ADCY3: variants seen among roughly 807,000 people sequenced by gnomAD.
ADCY3 encodes adenylate cyclase type 3.
ADCY3 carries 70 observed loss-of-function variants against 119.4 expected under a neutral mutation model. The ratio of observed to expected loss-of-function variants is 0.59; its 90% confidence interval spans 0.48 to 0.72. The LOEUF is 0.72. ADCY3 is among the 30% of genes least tolerant of loss of function. ADCY3 has a pLI of 0.00. For synonymous variants in ADCY3, 672 were observed against 621.4 expected (o/e 1.08, Z -1.21); for missense variants, 1,238 against 1,541.6 (o/e 0.80, Z 3.30).
chr2:24,891,699 C>T (rs1205225925), intron 2 of ADCY3, among the ~76,000 whole-genome samples: 3 of 152,110 alleles, frequency 2.0e-5, no homozygotes, highest in African/African-American at 7.2e-5. Flanking sequence ...GTGAGTTTTG[C>T]TGTTGCACTT....
intron 2 of ADCY3, among the ~76,000 whole-genome samples, chr2:24,908,688 G>A (rs1371623983): frequency 1.3e-5 from 2 of 152,144 alleles, no homozygotes. Flanking sequence ...TAGAACTGTG[G>A]GAAGCAGTCC....
At position 24,825,359 on chromosome 2, in the gene ADCY3, G is replaced by T. The variant is rs927588439; in HGVS notation, c.2577+686C>A. On this transcript the variant is annotated intron_variant, in intron 16 of 21. Coordinates refer to ENST00000679454, the MANE Select transcript of ADCY3 (RefSeq NM_004036.5). ...CGGGGGGGGGGGGGGTGCGGGGGGG[G>T]TGTCTCACTTTGTCACCCAGGCTGG... 3.4e-5 allele frequency among the ~76,000 whole-genome samples: 3 copies of T among 88,672 alleles called. 1 individual carries two copies. Among genetic ancestry groups the T allele is most frequent in the East Asian group, 3.0e-4 (1 of 3,330 alleles). The allele number at this position is 88,672 out of a possible 152,430, so 58.2% of individuals were successfully genotyped here. A position where few individuals can be genotyped will look rare whatever the true frequency, so the allele number is the denominator to read the frequency against.
At chr2:24,874,424 C>T (rs1006421923) in intron 2 of ADCY3, among the ~76,000 whole-genome samples, 1 of 152,210 alleles carries the variant, frequency 6.6e-6, no homozygotes, top group African/African-American at 2.4e-5. Flanking sequence ...GCCACCCAGT[C>T]AACACCTGAA....
At chr2:24,896,887 G>A (rs1334761177) in intron 2 of ADCY3, among the ~76,000 whole-genome samples, 3 of 152,108 alleles carry the variant, frequency 2.0e-5, no homozygotes, top group Admixed American at 2.0e-4. Flanking sequence ...CCTCCCTGTG[G>A]TAGAATTCTC....
intron 2 of ADCY3, among the ~76,000 whole-genome samples, chr2:24,908,920 C>G (rs1393538373): frequency 6.6e-6 from 1 of 152,170 alleles, no homozygotes; most frequent in Admixed American, 6.5e-5. Flanking sequence ...GGCTGCTCCA[C>G]GTGTTGGATT....
chr2:24,909,322 C>T (rs1454637781), intron 2 of ADCY3, among the ~76,000 whole-genome samples: 1 of 152,106 alleles, frequency 6.6e-6, no homozygotes, highest in Admixed American at 6.5e-5. Flanking sequence ...AGCTTGTGCA[C>T]CTGCAAATCT....
chr2:24,878,598 T>C lies in ADCY3; in HGVS notation c.676-5879A>G, dbSNP rs1676005195. Reference sequence around the variant, plus strand: ...CGGGAAACTCGTCATTAAAACTTACTCAGATGCTTTAGGAAAAAGTCTCCT... The same window carrying C: ...CGGGAAACTCGTCATTAAAACTTACCCAGATGCTTTAGGAAAAAGTCTCCT... On this transcript the variant is annotated intron_variant, in intron 2 of 21. Coordinates refer to ENST00000679454, the MANE Select transcript of ADCY3 (RefSeq NM_004036.5). The surrounding 1 kb of genome is among the most constrained non-coding windows in gnomAD (Gnocchi z 4.0). 2.6e-5 allele frequency among the ~76,000 whole-genome samples: 4 copies of C among 151,656 alleles called. No individual in the cohort carries two copies. In the South Asian group the frequency reaches 8.3e-4, roughly 32 times the overall value.
rs1047771274 is a variant in ADCY3 at position 24,819,939 on chromosome 2, T to C, written c.3428A>G (p.Asn1143Ser). ...SVTLPHQVVD[N>S]S ...TTGCAGGCTCGAGGCCATTCAGGAG[T>C]TGTCCACCACCTGGTGGGGCAGTGT... Residue 1143 changes from asparagine (N) to serine (S), a missense_variant, in exon 22 of 22, where the codon AAC becomes AGC. Transcript: ENST00000679454. The C allele has an allele frequency of 6.2e-7, 1 of 1,613,250 alleles. No individual in the cohort carries two copies. The highest frequency in any genetic ancestry group is 1.3e-5 in the African/African-American group (1 of 74,832).
chr2:24,838,065 C>G (rs1413554115), intron 8 of ADCY3, among the ~76,000 whole-genome samples: 1 of 148,946 alleles, frequency 6.7e-6, no homozygotes, highest in East Asian at 2.0e-4. Flanking sequence ...ACCCCACCCC[C>G]ACCCTCCTCT....
chr2:24,876,117 T>C (rs1166032462), intron 2 of ADCY3, among the ~76,000 whole-genome samples: 1 of 152,120 alleles, frequency 6.6e-6, no homozygotes, highest in Non-Finnish European at 1.5e-5. Context: ...CTCAGCCTCT[T>C]GAGTAGCTGG....
At chr2:24,874,333 C>T (rs546635680) in intron 2 of ADCY3, among the ~76,000 whole-genome samples, 3 of 152,322 alleles carry the variant, frequency 2.0e-5, no homozygotes, top group East Asian at 3.9e-4. Context: ...CAGCCCCAGT[C>T]GCCTACCCCG....
At chr2:24,820,581 T>C (rs914368889) in intron 21 of ADCY3, 143 bp downstream of exon 21, 2 of 1,466,848 alleles carry the variant, frequency 1.4e-6, no homozygotes, top group Non-Finnish European at 1.8e-6. Context: ...ATTGCAGAGA[T>C]TCTTTTCCAC....
chr2:24,901,829 A>G (rs1475384028), intron 2 of ADCY3, among the ~76,000 whole-genome samples: 1 of 151,954 alleles, frequency 6.6e-6, no homozygotes, highest in East Asian at 1.9e-4. Context: ...AAGGAATACC[A>G]AACAGAGTAC....
At chr2:24,853,102 T>C (rs1426917136) in intron 3 of ADCY3, among the ~76,000 whole-genome samples, 1 of 150,818 alleles carries the variant, frequency 6.6e-6, no homozygotes, top group Non-Finnish European at 1.5e-5. Flanking sequence ...TGGAAGAGTC[T>C]ACCTACTAAA....
chr2:24,904,217 T>A (rs886884982), intron 2 of ADCY3, among the ~76,000 whole-genome samples: 1 of 151,716 alleles, frequency 6.6e-6, no homozygotes, highest in South Asian at 2.1e-4. Context: ...AGAGAGAAAT[T>A]TGGATCAAAA....
At chr2:24,875,668 G>A (rs1479399206) in intron 2 of ADCY3, among the ~76,000 whole-genome samples, 1 of 152,160 alleles carries the variant, frequency 6.6e-6, no homozygotes, top group African/African-American at 2.4e-5. Context: ...TGGGTGGGGA[G>A]TCCCCCTCCC....
At chr2:24,877,135 G>C (rs1675810850) in intron 2 of ADCY3, among the ~76,000 whole-genome samples, 1 of 152,174 alleles carries the variant, frequency 6.6e-6, no homozygotes, top group South Asian at 2.1e-4. Context: ...CCCACACATG[G>C]CCCTGCCACT....
intron 11 of ADCY3, 27 bp from the exon 12 acceptor site, chr2:24,831,776 G>A: frequency 1.3e-6 from 2 of 1,566,864 alleles, no homozygotes; most frequent in Non-Finnish European, 1.8e-6. Context: ...ACAATTGGGA[G>A]AGGCCAGAGG....
Position 24,918,696 on chromosome 2 carries a change from C to G in ADCY3, c.292G>C (p.Val98Leu). The G allele has an allele frequency of 6.2e-7, 1 of 1,614,120 alleles. No homozygotes were observed. The highest frequency in any genetic ancestry group is 8.5e-7 in the Non-Finnish European group (1 of 1,180,008). Residue 98 changes from valine (V) to leucine (L), a missense_variant, in exon 2 of 22, where the codon GTG (valine) becomes CTG (leucine). This residue lies in a region of ADCY3 where 227 missense variants were observed against 249.3 expected (regional missense o/e 0.91). Coordinates refer to ENST00000679454, the MANE Select transcript of ADCY3 (RefSeq NM_004036.5). This position sits in a 1 kb window ranked among gnomAD's most constrained non-coding sequence, Gnocchi z 5.4. ...GCCAGCTTGTCGCTGGAGAAGACCACAGCACACATGACCACCACGTAGCAG... is the reference window on the plus strand; with the variant it reads ...GCCAGCTTGTCGCTGGAGAAGACCAGAGCACACATGACCACCACGTAGCAG... ...FDCYVVVMCA[V>L]VFSSDKLASL...
Sources: gnomAD v4.1 joint callset for allele counts (sites outside exome capture counted in the v4.1 genomes callset) on GRCh38, gnomAD v4.1.1 for gene constraint, gnomAD v4.1.1 regional missense constraint, Gnocchi (gnomAD v3.1) non-coding constraint, MANE v1.5 for transcripts, NCBI Gene and HGNC (gene_info 2026-07-23, HGNC 2026-07-21) for gene names.